USP13: variants seen among roughly 807,000 people sequenced by gnomAD.
USP13 encodes ubiquitin carboxyl-terminal hydrolase 13.
A neutral mutation model predicts 107.8 loss-of-function variants in USP13; 68 were observed. The ratio of observed to expected loss-of-function variants is 0.63; its 90% CI spans 0.52 to 0.77. USP13 has a LOEUF of 0.77. Among genes scored for constraint, USP13 ranks in the 30% least tolerant of loss-of-function variants. The probability of loss-of-function intolerance (pLI) is 0.00; values close to 1 mark genes in which losing one functional copy is unlikely to be tolerated. For synonymous variants in USP13, 377 were observed against 389.5 expected (o/e 0.97, Z 0.38); for missense variants, 945 against 1,093.3 (o/e 0.86, Z 1.91).
chr3:179,748,275 T>G (rs1560073175), intron 13 of USP13, among the ~76,000 whole-genome samples: 1 of 152,262 alleles, frequency 6.6e-6, no homozygotes, highest in Non-Finnish European at 1.5e-5. Context: ...TTCCTTGTCA[T>G]GCTTGCTTAT....
intron 3 of USP13, among the ~76,000 whole-genome samples, chr3:179,697,137 C>G (rs988794695): frequency 6.6e-6 from 1 of 151,938 alleles, no homozygotes; most frequent in Non-Finnish European, 1.5e-5. Flanking sequence ...TTTTTTTTGG[C>G]TTAGACCAGG....
intron 19 of USP13, among the ~76,000 whole-genome samples, chr3:179,767,200 A>G (rs1019275600): frequency 6.6e-6 from 1 of 152,188 alleles, no homozygotes; most frequent in African/African-American, 2.4e-5. Context: ...TTATACCAGT[A>G]TGAAAAATAC....
intron 13 of USP13, among the ~76,000 whole-genome samples, chr3:179,748,628 A>G (rs1275122717): frequency 6.6e-6 from 1 of 152,244 alleles, no homozygotes; most frequent in Non-Finnish European, 1.5e-5. Context: ...CCCAGCAAAT[A>G]TTATTGCTCA....
At chr3:179,755,306 T>G (rs986042010) in intron 15 of USP13, among the ~76,000 whole-genome samples, 4 of 152,162 alleles carry the variant, frequency 2.6e-5, no homozygotes, top group African/African-American at 9.7e-5. Flanking sequence ...AACATTTTTT[T>G]TTTTTTGAGG....
At chr3:179,727,052 C>G (rs577204886) in intron 8 of USP13, among the ~76,000 whole-genome samples, 3 of 151,832 alleles carry the variant, frequency 2.0e-5, no homozygotes, top group Non-Finnish European at 4.4e-5. Context: ...CTTCCTCATA[C>G]GGTTGCAATG....
rs1456279754 is a variant in USP13 at position 179,750,302 on chromosome 3, G to GTATATATA, written c.1710-1982_1710-1981insATATATAT. 5.0e-3 allele frequency among the ~76,000 whole-genome samples: 559 copies of GTATATATA among 111,042 alleles called. 2 individuals carry two copies. Among genetic ancestry groups the GTATATATA allele is most frequent in the African/African-American group, 0.017 (533 of 31,306 alleles). The allele number at this position is 111,042 out of a possible 152,430, so 72.8% of individuals were successfully genotyped here. ...AATAATAATAAATATATATATGTGT[G>GTATATATA]TGTATATATATATATATATGTGTGT... On this transcript the variant is annotated intron_variant, in intron 13 of 20. Coordinates refer to ENST00000263966, the MANE Select transcript of USP13 (RefSeq NM_003940.3).
intron 19 of USP13, among the ~76,000 whole-genome samples, chr3:179,775,115 A>G (rs1456614473): frequency 3.3e-5 from 5 of 151,602 alleles, no homozygotes; most frequent in Admixed American, 3.3e-4. Flanking sequence ...TCCCCACTAG[A>G]TTAGCTAGAT....
intron 2 of USP13, among the ~76,000 whole-genome samples, chr3:179,684,516 T>G (rs1163357206): frequency 3.3e-5 from 5 of 151,476 alleles, no homozygotes; most frequent in African/African-American, 1.2e-4. Flanking sequence ...TTGCCATGTT[T>G]CCCAGGTGAC....
intron 1 of USP13, among the ~76,000 whole-genome samples, chr3:179,675,377 A>G (rs1431679880): frequency 6.6e-6 from 1 of 151,828 alleles, no homozygotes; most frequent in African/African-American, 2.4e-5. Flanking sequence ...AGTAACTTTT[A>G]TTGGTGATTC....
At chr3:179,676,392 C>T (rs1257606670) in intron 1 of USP13, among the ~76,000 whole-genome samples, 5 of 152,126 alleles carry the variant, frequency 3.3e-5, no homozygotes, top group African/African-American at 2.4e-5. Flanking sequence ...ATGCGCTTTA[C>T]CATGCTTTCT....
intron 6 of USP13, among the ~76,000 whole-genome samples, chr3:179,715,767 G>C (rs1394043341): frequency 6.6e-6 from 1 of 152,084 alleles, no homozygotes; most frequent in Admixed American, 6.5e-5. Flanking sequence ...TCCCGGTGGA[G>C]AGATGCAGTT....
At chr3:179,688,639 G>C (rs761004909) in intron 2 of USP13, among the ~76,000 whole-genome samples, 112 of 152,326 alleles carry the variant, frequency 7.4e-4, no homozygotes, top group Non-Finnish European at 1.3e-3. Flanking sequence ...GAATCTCACA[G>C]TCTGGGACAG....
intron 1 of USP13, among the ~76,000 whole-genome samples, chr3:179,674,915 C>A (rs1310340931): frequency 1.3e-5 from 2 of 151,988 alleles, no homozygotes; most frequent in Admixed American, 6.6e-5. Context: ...TTAAAAAATT[C>A]TTTCCTAGCA....
chr3:179,690,187 C>G, intron 2 of USP13, 54 bp from the exon 3 acceptor site: 1 of 1,548,296 alleles, frequency 6.5e-7, no homozygotes, highest in Non-Finnish European at 8.9e-7. Context: ...TTTTCCCTCA[C>G]AAAGATGTTT....
At chr3:179,673,795 C>T (rs1305508040) in intron 1 of USP13, among the ~76,000 whole-genome samples, 1 of 152,158 alleles carries the variant, frequency 6.6e-6, no homozygotes. Context: ...AGACTTGGGC[C>T]GAGTTCACCT....
chr3:179,666,710 C>T (rs181896317), intron 1 of USP13, among the ~76,000 whole-genome samples: 3 of 152,326 alleles, frequency 2.0e-5, no homozygotes, highest in Admixed American at 2.0e-4. Flanking sequence ...CTGTCCTTTG[C>T]CTGTCCCTCC....
chr3:179,709,033 G>T, intron 6 of USP13, 76 bp downstream of exon 6: 1 of 1,516,020 alleles, frequency 6.6e-7, no homozygotes, highest in Non-Finnish European at 8.9e-7. Flanking sequence ...AATCCAGGTG[G>T]TTGGAAGGTG....
intron 10 of USP13, among the ~76,000 whole-genome samples, chr3:179,739,686 T>G (rs1714118829): frequency 6.6e-6 from 1 of 152,116 alleles, no homozygotes; most frequent in African/African-American, 2.4e-5. Context: ...GTCTCCTGAG[T>G]AGCTGGGATT....
intron 19 of USP13, among the ~76,000 whole-genome samples, chr3:179,774,985 G>A (rs376871789): frequency 1.5e-4 from 23 of 152,012 alleles, no homozygotes; most frequent in South Asian, 2.1e-4. Context: ...TGATTGGTGC[G>A]TTTACAAACC....
Sources: allele counts gnomAD v4.1 joint callset (sites outside exome capture counted in the v4.1 genomes callset), GRCh38; gene constraint gnomAD v4.1.1; transcripts MANE v1.5; gene names NCBI Gene and HGNC (gene_info 2026-07-23, HGNC 2026-07-21).